AK4: variants seen among roughly 807,000 people sequenced by gnomAD.
The protein encoded by AK4 is adenylate kinase 4, also known as adenylate kinase 4, mitochondrial.
In AK4, 13 loss-of-function variants were observed where a neutral mutation model predicts 24.6. The ratio of observed to expected loss-of-function variants is 0.53; its 90% CI spans 0.34 to 0.84. The LOEUF (loss-of-function observed/expected upper bound fraction) is 0.84, where lower values mean the gene tolerates loss of function less well. Ranked by LOEUF, AK4 falls within the 40% of genes least tolerant of loss-of-function variation. AK4 has a pLI of 0.01. For missense variants in AK4, 192 were observed against 288.2 expected, an observed-to-expected ratio of 0.67 and a Z score of 2.42; for synonymous variants, 88 against 107.0, an observed-to-expected ratio of 0.82 and a Z score of 1.10.
chr1:65,226,389 A>G lies in AK4; in HGVS notation c.*212A>G, dbSNP rs1271823140. The G allele has an allele frequency of 4.9e-5, 31 of 635,912 alleles. 1 individual carries two copies. The highest frequency in any genetic ancestry group is 2.6e-6 in the Non-Finnish European group (1 of 383,722). 39.4% of individuals were successfully genotyped at this position (635,912 alleles called of 1,614,324 possible). A position where few individuals can be genotyped will look rare whatever the true frequency, so the allele number is the denominator to read the frequency against. ...AAGGCTGGTCACCTACACATGTTTAAGGTGTCTCTGCACATGTCTCAAGCC... is the reference window on the plus strand; with the variant it reads ...AAGGCTGGTCACCTACACATGTTTAGGGTGTCTCTGCACATGTCTCAAGCC... On this transcript the variant is annotated 3_prime_UTR_variant, in exon 5 of 5. Coordinates refer to ENST00000327299, the MANE Select transcript of AK4 (RefSeq NM_013410.4).
chr1:65,179,954 CAT>C (rs1280395733), intron 1 of AK4, among the ~76,000 whole-genome samples: 1 of 152,206 alleles, frequency 6.6e-6, no homozygotes, highest in African/African-American at 2.4e-5. Flanking sequence ...GACCTTTATA[CAT>C]ATGTTAATCA....
In AK4 at chr1:65,224,764, G is replaced by A. The variant is rs765366640; in HGVS notation, c.451G>A (p.Val151Ile). ...TTGGTATTTGTAGGGTATTGATGAC[G>A]TCACTGGTGAACCGTTAGTCCAGCA... ...NPPHVHGIDD[V>I]TGEPLVQQED... Residue 151 changes from valine (V) to isoleucine (I), a missense_variant, in exon 4 of 5, where the codon GTC (valine) becomes ATC (isoleucine). By Grantham distance (29) the Val-to-Ile change is conservative. Transcript: ENST00000327299. 53 of 1,612,402 alleles carry A rather than the reference G, an allele frequency of 3.3e-5. No individual in the cohort carries two copies. Among genetic ancestry groups the A allele is most frequent in the East Asian group, 3.1e-4 (14 of 44,884 alleles).
At chr1:65,190,932 ACTTT>A in intron 2 of AK4, 103 bp downstream of exon 2, 1 of 1,366,078 alleles carries the variant, frequency 7.3e-7, no homozygotes, top group East Asian at 2.6e-5. Context: ...TATTTTCTAA[ACTTT>A]CTGTCATTTA....
chr1:65,212,291 A>G (rs1258576481), intron 2 of AK4, among the ~76,000 whole-genome samples: 1 of 151,108 alleles, frequency 6.6e-6, no homozygotes, highest in Non-Finnish European at 1.5e-5. Flanking sequence ...ACAGGGTAAC[A>G]TTTTAGGATT....
chr1:65,148,665 G>C (rs1198384611), intron 1 of AK4, 113 bp downstream of exon 1: 1 of 1,391,552 alleles, frequency 7.2e-7, no homozygotes, highest in African/African-American at 1.5e-5. Context: ...GCGTGTGGTC[G>C]TGCAGGCTCG....
intron 3 of AK4, among the ~76,000 whole-genome samples, chr1:65,224,158 GAC>G (rs1652382605): frequency 6.6e-6 from 1 of 152,000 alleles, no homozygotes; most frequent in Non-Finnish European, 1.5e-5. Flanking sequence ...TTTAGGTGAG[GAC>G]ACAGTCACTT....
intron 1 of AK4, among the ~76,000 whole-genome samples, chr1:65,172,951 T>C (rs1275430328): frequency 1.4e-5 from 2 of 146,852 alleles, no homozygotes; most frequent in South Asian, 2.2e-4. Context: ...CAACCTCCAC[T>C]TTCCGAGTTC....
At chr1:65,185,127 A>G (rs1651053620) in intron 1 of AK4, among the ~76,000 whole-genome samples, 1 of 152,128 alleles carries the variant, frequency 6.6e-6, no homozygotes, top group Non-Finnish European at 1.5e-5. Context: ...TGCTTAGTTC[A>G]GGCCTTCATC....
chr1:65,191,748 A>G (rs1421157062), intron 2 of AK4, among the ~76,000 whole-genome samples: 3 of 152,052 alleles, frequency 2.0e-5, no homozygotes, highest in African/African-American at 7.2e-5. Flanking sequence ...GTATAATATG[A>G]TCATATTTCT....
At chr1:65,169,965 TTACTC>T (rs1650455055) in intron 1 of AK4, among the ~76,000 whole-genome samples, 1 of 152,176 alleles carries the variant, frequency 6.6e-6, no homozygotes, top group South Asian at 2.1e-4. Context: ...TTATTAGTGA[TTACTC>T]TAGGGTTAGT....
intron 2 of AK4, among the ~76,000 whole-genome samples, chr1:65,193,129 G>A (rs978333173): frequency 1.3e-5 from 2 of 152,236 alleles, no homozygotes; most frequent in African/African-American, 2.4e-5. Context: ...GCTGTCTGCA[G>A]TGGCTCTGTT....
At chr1:65,192,792 G>A (rs1424715440) in intron 2 of AK4, among the ~76,000 whole-genome samples, 1 of 152,184 alleles carries the variant, frequency 6.6e-6, no homozygotes, top group Non-Finnish European at 1.5e-5. Flanking sequence ...GAAGAAAGGG[G>A]CAGGTGGTCA....
intron 1 of AK4, among the ~76,000 whole-genome samples, chr1:65,152,689 G>A (rs142626428): frequency 0.041 from 6,153 of 151,878 alleles, 204 homozygotes; most frequent in Admixed American, 0.11. Context: ...GTGAGCCACC[G>A]CACCTGGCCT....
At chr1:65,171,122 ATTT>A (rs59764198) in intron 1 of AK4, among the ~76,000 whole-genome samples, 2 of 122,942 alleles carry the variant, frequency 1.6e-5, no homozygotes, top group Non-Finnish European at 1.7e-5. Flanking sequence ...TGCTTGGCTA[ATTT>A]TTTTTTTTTT....
intron 1 of AK4, among the ~76,000 whole-genome samples, chr1:65,158,345 G>A (rs1369401196): frequency 1.3e-5 from 2 of 152,120 alleles, no homozygotes; most frequent in African/African-American, 4.8e-5. Flanking sequence ...TTGTTAAATG[G>A]TATTATATTA....
At chr1:65,203,809 G>GA (rs922322522) in intron 2 of AK4, among the ~76,000 whole-genome samples, 93 of 147,316 alleles carry the variant, frequency 6.3e-4, no homozygotes, top group Non-Finnish European at 8.1e-4. Context: ...CCATCTCAAA[G>GA]AAAAAAAAAA....
At chr1:65,185,286 T>C (rs1302976185) in intron 1 of AK4, among the ~76,000 whole-genome samples, 1 of 152,236 alleles carries the variant, frequency 6.6e-6, no homozygotes, top group African/African-American at 2.4e-5. Flanking sequence ...TTCTTCATTT[T>C]CCAACAAGAG....
At position 65,226,273 on chromosome 1, in the gene AK4, CTTGCAGCATCTT is replaced by C; in HGVS notation, c.*99_*110del. 1.1e-6 allele frequency: 1 copy of C among 938,098 alleles called. No individual in the cohort carries two copies. The highest frequency in any genetic ancestry group is 1.6e-6 in the Non-Finnish European group (1 of 635,080). The allele number at this position is 938,098 out of a possible 1,614,324, so 58.1% of individuals were successfully genotyped here. The stretch of plus-strand genomic sequence containing the variant: ...CCAAATTAGAAGCTAGCTGAGGTAG[CTTGCAGCATCTT>C]TTCTAGTTGAAATGGTGAACTGATA... On this transcript the variant is annotated 3_prime_UTR_variant, in exon 5 of 5. Coordinates refer to ENST00000327299, the MANE Select transcript of AK4 (RefSeq NM_013410.4).
intron 3 of AK4, 57 bp downstream of exon 3, chr1:65,218,983 T>C (rs1325294621): frequency 1.7e-5 from 24 of 1,391,732 alleles, no homozygotes; most frequent in Admixed American, 7.3e-5. Context: ...ACAATTTCCA[T>C]TGAAAAGTGG....
Sources: allele counts gnomAD v4.1 joint callset (sites outside exome capture counted in the v4.1 genomes callset), GRCh38; gene constraint gnomAD v4.1.1; transcripts MANE v1.5; gene names NCBI Gene and HGNC (gene_info 2026-07-23, HGNC 2026-07-21).